ZNF280B: variants seen among roughly 807,000 people sequenced by gnomAD.
ZNF280B encodes suppressor of hairy wing homolog 2.
Under a neutral mutation model 38.0 loss-of-function variants are expected in ZNF280B, and 16 were observed. The ratio of observed to expected loss-of-function variants is 0.42; its 90% CI spans 0.28 to 0.64. The LOEUF (loss-of-function observed/expected upper bound fraction) is 0.64, where lower values mean the gene tolerates loss of function less well. Among genes scored for constraint, ZNF280B ranks in the 30% least tolerant of loss-of-function variants. The pLI is 0.21. For missense variants in ZNF280B, 581 were observed against 639.6 expected (o/e 0.91, Z 0.99); for synonymous variants, 253 against 230.6 (o/e 1.10, Z -0.88).
rs1018601975 is a variant in ZNF280B at position 22,493,277 on chromosome 22, G to T, written c.-69+786C>A. 1.7e-4 allele frequency among the ~76,000 whole-genome samples: 26 copies of T among 151,940 alleles called. 1 individual carries two copies. The highest frequency in any genetic ancestry group is 2.1e-4 in the Non-Finnish European group (14 of 68,016). On this transcript the variant is annotated intron_variant, in intron 3 of 3. Coordinates refer to ENST00000626650, the MANE Select transcript of ZNF280B (RefSeq NM_080764.4). ...CTGCCTTGGCCTCCCAAAGTGCTGG[G>T]ATTACAGGCGTAAGCCACCATGCCC...
Position 22,484,826 on chromosome 22 carries a change from A to G in ZNF280B, c.*2941T>C, listed in dbSNP as rs982712673. 2.0e-5 allele frequency: 3 copies of G among 152,092 alleles called. No individual in the cohort carries two copies. Among genetic ancestry groups the G allele is most frequent in the African/African-American group, 7.3e-5 (3 of 41,308 alleles). The allele number at this position is 152,092 out of a possible 1,614,324, so 9.4% of individuals were successfully genotyped here. A position where few individuals can be genotyped will look rare whatever the true frequency, so the allele number is the denominator to read the frequency against. ...AAGAGGAAGAAAAGAGTGGGGAGAG[A>G]GTAAAGTGCCTTTAAGAGGAAAAGT... is the stretch of plus-strand genomic sequence containing the variant. On this transcript the variant is annotated 3_prime_UTR_variant, in exon 4 of 4. Coordinates refer to ENST00000626650, the MANE Select transcript of ZNF280B (RefSeq NM_080764.4).
chr22:22,498,808 TTTTTTTGGAGA>T (rs2061754308), intron 2 of ZNF280B, among the ~76,000 whole-genome samples: 1 of 142,348 alleles, frequency 7.0e-6, no homozygotes, highest in Non-Finnish European at 1.5e-5. Flanking sequence ...TTTTTTTTTT[TTTTTTTGGAGA>T]CGGGGTCTCG....
intron 3 of ZNF280B, among the ~76,000 whole-genome samples, chr22:22,491,076 T>C (rs1460466166): frequency 2.6e-5 from 4 of 152,000 alleles, no homozygotes; most frequent in African/African-American, 4.8e-5. Context: ...GCAGGTATTC[T>C]ATCTTTTGTT....
chr22:22,496,746 A>T (rs2061703510), intron 2 of ZNF280B, among the ~76,000 whole-genome samples: 1 of 151,470 alleles, frequency 6.6e-6, no homozygotes. Context: ...ATCTAATCAC[A>T]GAAGTTACTC....
intron 2 of ZNF280B, among the ~76,000 whole-genome samples, chr22:22,503,601 G>C (rs566326909): frequency 6.6e-6 from 1 of 152,052 alleles, no homozygotes; most frequent in East Asian, 2.0e-4. Context: ...CATTCCCAAG[G>C]ATGGAACAGT....
chr22:22,490,998 C>T (rs2061583136), intron 3 of ZNF280B, among the ~76,000 whole-genome samples: 1 of 151,870 alleles, frequency 6.6e-6, no homozygotes, highest in Admixed American at 6.6e-5. Flanking sequence ...CACCATTTAA[C>T]ATATTACGAT....
rs1209452609 is a variant in ZNF280B at position 22,487,139 on chromosome 22, GA to G, written c.*627del. 1.3e-5 allele frequency: 2 copies of G among 151,828 alleles called. No homozygotes were observed. The highest frequency in any genetic ancestry group is 2.9e-5 in the Non-Finnish European group (2 of 67,986). 9.4% of individuals were successfully genotyped at this position (151,828 alleles called of 1,614,324 possible). A position where few individuals can be genotyped will look rare whatever the true frequency, so the allele number is the denominator to read the frequency against. On this transcript the variant is annotated 3_prime_UTR_variant, in exon 4 of 4. Transcript: ENST00000626650. Reference sequence around the variant, plus strand: ...GAGCTTTCAAGCTTAGGAGTAACATGAAATACCAAAACAATAAATAGGTGCC... The same window carrying G: ...GAGCTTTCAAGCTTAGGAGTAACATGAATACCAAAACAATAAATAGGTGCC...
chr22:22,503,845 T>C (rs1421380569), intron 2 of ZNF280B, among the ~76,000 whole-genome samples: 4 of 152,050 alleles, frequency 2.6e-5, no homozygotes, highest in African/African-American at 9.6e-5. Flanking sequence ...TGAAAAGCTG[T>C]GAGAGCATAT....
chr22:22,504,846 G>T (rs1049930983), intron 2 of ZNF280B, among the ~76,000 whole-genome samples: 3 of 151,926 alleles, frequency 2.0e-5, no homozygotes, highest in African/African-American at 7.3e-5. Flanking sequence ...TATTTGAGAC[G>T]AATTTAAGAA....
Position 22,488,282 on chromosome 22 carries a change from T to C in ZNF280B, c.1117A>G (p.Thr373Ala), listed in dbSNP as rs753611069. Residue 373 changes from threonine (T) to alanine (A), a missense_variant, in exon 4 of 4, where the codon ACT (threonine) becomes GCT (alanine). Transcript: ENST00000626650. The part of the protein sequence containing the change: ...ENVHTAQEPS[T>A]VCKICELSFE... Reference sequence around the variant, plus strand: ...GACAATTCACAGATTTTACAGACAGTAGAGGGCTCCTGGGCAGTGTGGACA... The same window carrying C: ...GACAATTCACAGATTTTACAGACAGCAGAGGGCTCCTGGGCAGTGTGGACA... 18 of 1,613,670 alleles carry C rather than the reference T, an allele frequency of 1.1e-5. No individual in the cohort carries two copies. Among genetic ancestry groups the C allele is most frequent in the South Asian group, 3.3e-5 (3 of 91,068 alleles).
intron 2 of ZNF280B, among the ~76,000 whole-genome samples, chr22:22,496,326 G>T (rs780427697): frequency 1.6e-4 from 24 of 151,048 alleles, no homozygotes; most frequent in Non-Finnish European, 3.2e-4. Flanking sequence ...TCGAACTCCT[G>T]ACCTCAAGTG....
At position 22,489,055 on chromosome 22, in the gene ZNF280B, G is replaced by GA; in HGVS notation, c.343_344insT (p.Pro115LeufsTer5). ...TTTAGACAAAGGCTCAATAATAATA[G>GA]GACTATCTGTTGATCTCGATTCAAG... On this transcript the variant is annotated frameshift_variant, in exon 4 of 4. Transcript: ENST00000626650. LOFTEE classifies it high-confidence loss of function. 1 of 1,613,812 alleles carries GA rather than the reference G, an allele frequency of 6.2e-7. No individual in the cohort carries two copies. Among genetic ancestry groups the GA allele is most frequent in the Non-Finnish European group, 8.5e-7 (1 of 1,179,950 alleles).
chr22:22,501,772 G>A (rs1280926742), intron 2 of ZNF280B, among the ~76,000 whole-genome samples: 1 of 151,672 alleles, frequency 6.6e-6, no homozygotes, highest in Non-Finnish European at 1.5e-5. Flanking sequence ...TATTTTGGGA[G>A]GCTGAGGCAG....
chr22:22,494,033 G>A (rs536142706), intron 3 of ZNF280B, 30 bp downstream of exon 3: 2 of 151,678 alleles, frequency 1.3e-5, no homozygotes, highest in Non-Finnish European at 2.9e-5. Context: ...TGATGTGATT[G>A]GCGCCCTTAT....
In ZNF280B at chr22:22,489,019, C is replaced by A. The variant is rs1247409753; in HGVS notation, c.380G>T (p.Arg127Ile). ...IIEPLSKPDY[R>I]NSSPQVVPNN... is the part of the protein sequence containing the mutation. ...AGGCACAACTTGTGGTGAACTATTT[C>A]TATAATCAGGTTTAGACAAAGGCTC... The change falls in exon 4 of 4, where the codon AGA (arginine) becomes ATA (isoleucine). Residue 127 changes from arginine to isoleucine, a missense_variant. By Grantham distance (97) the Arg-to-Ile change is moderately conservative (BLOSUM62 -3). Transcript: ENST00000626650. 1 of 1,613,672 alleles carries A rather than the reference C, an allele frequency of 6.2e-7. No individual in the cohort carries two copies. Among genetic ancestry groups the A allele is most frequent in the Non-Finnish European group, 8.5e-7 (1 of 1,179,950 alleles).
Position 22,484,427 on chromosome 22 carries a change from T to C in ZNF280B, c.*3340A>G, listed in dbSNP as rs1469712335. The C allele has an allele frequency of 7.0e-6, 1 of 143,422 alleles. No homozygotes were observed. The highest frequency in any genetic ancestry group is 2.7e-5 in the African/African-American group (1 of 36,424). 8.9% of individuals were successfully genotyped at this position (143,422 alleles called of 1,614,324 possible). ...AAACAATACAGCAACAGCATTTTTT[T>C]CACAAAACATTTTATTACTATAATT... is the stretch of plus-strand genomic sequence containing the variant. On this transcript the variant is annotated 3_prime_UTR_variant, in exon 4 of 4. Coordinates refer to ENST00000626650, the MANE Select transcript of ZNF280B (RefSeq NM_080764.4).
chr22:22,487,941 A>G lies in ZNF280B; in HGVS notation c.1458T>C (p.Phe486=), dbSNP rs1156945011. The G allele has an allele frequency of 1.2e-6, 2 of 1,613,718 alleles. No homozygotes were observed. The highest frequency in any genetic ancestry group is 1.7e-6 in the Non-Finnish European group (2 of 1,179,920). ...MEHKTQCHQM[F]KKPKQLEGLP... is the part of the protein sequence containing the mutation. Reference sequence around the variant, plus strand: ...ATCCTTCTAGTTGCTTAGGCTTCTTAAACATTTGATGACACTGGGTCTTGT... The same window carrying G: ...ATCCTTCTAGTTGCTTAGGCTTCTTGAACATTTGATGACACTGGGTCTTGT... The change falls in exon 4 of 4, where the codon TTT becomes TTC. Residue 486 remains phenylalanine (F), a synonymous_variant. Transcript: ENST00000626650.
intron 2 of ZNF280B, among the ~76,000 whole-genome samples, chr22:22,500,581 A>G (rs1048805148): frequency 6.6e-6 from 1 of 151,726 alleles, no homozygotes; most frequent in Non-Finnish European, 1.5e-5. Flanking sequence ...AGAGGCCGGA[A>G]GCAGTGGCTC....
rs2061531446 is a variant in ZNF280B at position 22,488,388 on chromosome 22, G to A, written c.1011C>T (p.Asp337=). ...HHLEFEKQRN[D]SWENHTTCQH... is the part of the protein sequence containing the mutation. ...GGCAGGTGGTGTGGTTTTCCCAGCT[G>A]TCGTTCCTCTGCTTCTCAAATTCCA... The change falls in exon 4 of 4, where the codon GAC becomes GAT. Residue 337 remains aspartate (D), a synonymous_variant. Transcript: ENST00000626650. 1 of 1,613,788 alleles carries A rather than the reference G, an allele frequency of 6.2e-7. No homozygotes were observed. Among genetic ancestry groups the A allele is most frequent in the Admixed American group, 1.7e-5 (1 of 59,958 alleles).
Sources: allele counts gnomAD v4.1 joint callset (sites outside exome capture counted in the v4.1 genomes callset), GRCh38; gene constraint gnomAD v4.1.1; transcripts MANE v1.5; gene names NCBI Gene and HGNC (gene_info 2026-07-23, HGNC 2026-07-21).